The following AUTS2 variants were observed in gnomAD, a reference collection of about 807,000 sequenced individuals.
The protein encoded by AUTS2 is autism susceptibility gene 2 protein.
AUTS2 carries 17 observed loss-of-function variants against 112.4 expected under a neutral mutation model. The observed-to-expected ratio is 0.15, with a 90% confidence interval of 0.10 to 0.23. AUTS2 has a LOEUF of 0.23. AUTS2 is among the 10% of genes least tolerant of loss of function. The pLI, the probability that AUTS2 is intolerant of heterozygous loss-of-function variation, is 1.00. For synonymous variants in AUTS2, 751 were observed against 702.7 expected (o/e 1.07, Z -1.09); for missense variants, 1,510 against 1,701.6 (o/e 0.89, Z 1.98).
rs755322201 is a variant in AUTS2, at chr7:70,771,572, A to T, written c.1758A>T (p.Ala586=). The T allele has an allele frequency of 1.2e-6, 2 of 1,612,794 alleles. No individual in the cohort carries two copies. Among genetic ancestry groups the T allele is most frequent in the South Asian group, 2.2e-5 (2 of 90,848 alleles). ...RHSLFHSYPP[A]VSGIPPMIPP... ...AGCTCTTCCATTCCTATCCTCCTGC[A>T]GTGTCGGGCATCCCCCCTATGATCC... The change falls in exon 11 of 19, where the codon GCA becomes GCT. Residue 586 remains alanine, a synonymous_variant. Transcript: ENST00000342771.
chr7:70,639,616 C>CTAAAAA (rs1805707387), intron 5 of AUTS2, among the ~76,000 whole-genome samples: 1 of 75,078 alleles, frequency 1.3e-5, no homozygotes. Context: ...GACCCTGTCT[C>CTAAAAA]AAAAAAAAAA....
At chr7:70,330,667 C>CA (rs1790702419) in intron 4 of AUTS2, among the ~76,000 whole-genome samples, 3 of 152,196 alleles carry the variant, frequency 2.0e-5, no homozygotes, top group Non-Finnish European at 4.4e-5. Context: ...GCAAAAAGAT[C>CA]ACTAGAATTT....
chr7:69,774,480 G>A (rs1198542503), intron 1 of AUTS2, among the ~76,000 whole-genome samples: 2 of 152,206 alleles, frequency 1.3e-5, no homozygotes, highest in African/African-American at 4.8e-5. Flanking sequence ...GCATGAATGC[G>A]AATAGCCAGT....
chr7:70,550,459 G>T (rs1000939019), intron 5 of AUTS2, among the ~76,000 whole-genome samples: 1 of 152,038 alleles, frequency 6.6e-6, no homozygotes, highest in African/African-American at 2.4e-5. Context: ...TGCTTTTTTT[G>T]TGATAATCCT....
intron 5 of AUTS2, among the ~76,000 whole-genome samples, chr7:70,638,503 AT>A (rs1444015426): frequency 2.0e-5 from 3 of 152,018 alleles, no homozygotes; most frequent in Non-Finnish European, 4.4e-5. Context: ...TTCAAGAATT[AT>A]GCCGTCGTTG....
At chr7:69,612,453 T>G (rs1374405388) in intron 1 of AUTS2, among the ~76,000 whole-genome samples, 1 of 152,098 alleles carries the variant, frequency 6.6e-6, no homozygotes, top group Admixed American at 6.6e-5. Flanking sequence ...CTCCCTATAT[T>G]TCTATTTTAA....
chr7:70,089,471 A>C (rs1803792829), intron 2 of AUTS2, among the ~76,000 whole-genome samples: 1 of 151,970 alleles, frequency 6.6e-6, no homozygotes, highest in African/African-American at 2.4e-5. Flanking sequence ...CTTTGCATTT[A>C]ACCTATTTGT....
At chr7:70,510,036 G>A (rs545387649) in intron 5 of AUTS2, among the ~76,000 whole-genome samples, 39 of 152,262 alleles carry the variant, frequency 2.6e-4, no homozygotes, top group African/African-American at 9.4e-4. Context: ...AAGGGATGTT[G>A]AAGGCTGGAA....
chr7:70,156,769 G>C (rs552437427), intron 4 of AUTS2, among the ~76,000 whole-genome samples: 7 of 151,512 alleles, frequency 4.6e-5, no homozygotes, highest in African/African-American at 1.7e-4. Flanking sequence ...GCAAGTCAAG[G>C]CCTGGCGTGG....
At chr7:69,990,158 A>G (rs751549334) in intron 2 of AUTS2, among the ~76,000 whole-genome samples, 14 of 152,198 alleles carry the variant, frequency 9.2e-5, no homozygotes, top group Admixed American at 2.0e-4. Context: ...CAATTTCCTT[A>G]TCTGTAAAAT....
intron 4 of AUTS2, among the ~76,000 whole-genome samples, chr7:70,349,745 A>G (rs1351976765): frequency 6.6e-6 from 1 of 151,906 alleles, no homozygotes; most frequent in Non-Finnish European, 1.5e-5. Context: ...AAGTCATTTT[A>G]TATTGCTTTA....
intron 1 of AUTS2, among the ~76,000 whole-genome samples, chr7:69,898,083 G>A (rs925108035): frequency 2.0e-5 from 3 of 152,114 alleles, no homozygotes; most frequent in Non-Finnish European, 4.4e-5. Context: ...GAAATACAAA[G>A]GATACATGTT....
At chr7:70,333,301 G>A (rs1243747220) in intron 4 of AUTS2, among the ~76,000 whole-genome samples, 2 of 152,150 alleles carry the variant, frequency 1.3e-5, no homozygotes, top group East Asian at 3.9e-4. Context: ...AAAAAGTCAG[G>A]AAACAACAGA....
At chr7:69,895,238 T>C (rs1794694585) in intron 1 of AUTS2, among the ~76,000 whole-genome samples, 1 of 152,220 alleles carries the variant, frequency 6.6e-6, no homozygotes, top group Non-Finnish European at 1.5e-5. Flanking sequence ...TGGATAGTTT[T>C]TGTCATTTTT....
chr7:70,565,181 T>C (rs1801657810), intron 5 of AUTS2, among the ~76,000 whole-genome samples: 1 of 152,234 alleles, frequency 6.6e-6, no homozygotes, highest in Non-Finnish European at 1.5e-5. Flanking sequence ...AAGTACAAAA[T>C]GCACATTTAA....
chr7:70,051,360 A>G lies in AUTS2; in HGVS notation c.523-66772A>G, dbSNP rs141162428. The stretch of plus-strand genomic sequence containing the variant: ...CAGCATCAGAAAGAAATGAGAGAAC[A>G]TTAAGCCACAGAAAGCAAATAATGG... On this transcript the variant is annotated intron_variant, in intron 2 of 18. Transcript: ENST00000342771. 1.2e-4 allele frequency among the ~76,000 whole-genome samples: 18 copies of G among 152,356 alleles called. No homozygotes were observed. In the East Asian group the frequency reaches 2.9e-3, roughly 24 times the overall value.
chr7:69,699,423 A>C (rs982718818), intron 1 of AUTS2, among the ~76,000 whole-genome samples: 10 of 152,062 alleles, frequency 6.6e-5, no homozygotes, highest in African/African-American at 2.4e-4. Context: ...GTTATACCAT[A>C]TTTAGCATAC....
rs549869804 is a variant in AUTS2, at chr7:70,336,318, G to A, written c.661-99434G>A. The stretch of plus-strand genomic sequence containing the variant: ...CCCACCCATGTTTCTGTTCCCACAG[G>A]ACAACCATTGCTAGCATTTCTCTCT... On this transcript the variant is annotated intron_variant, in intron 4 of 18. Coordinates refer to ENST00000342771, the MANE Select transcript of AUTS2 (RefSeq NM_015570.4). 9.9e-4 allele frequency among the ~76,000 whole-genome samples: 151 copies of A among 152,254 alleles called. 1 individual carries two copies. The highest frequency in any genetic ancestry group is 3.4e-3 in the Middle Eastern group (1 of 294).
chr7:69,907,103 T>C (rs1286441013), intron 2 of AUTS2, among the ~76,000 whole-genome samples: 1 of 152,116 alleles, frequency 6.6e-6, no homozygotes, highest in African/African-American at 2.4e-5. Context: ...CGAGGTCCTG[T>C]CTCCAAAAAA....
Sources: allele counts gnomAD v4.1 joint callset (sites outside exome capture counted in the v4.1 genomes callset), GRCh38; gene constraint gnomAD v4.1.1; transcripts MANE v1.5; gene names NCBI Gene and HGNC (gene_info 2026-07-23, HGNC 2026-07-21).